CTNND2: variants seen among roughly 807,000 people sequenced by gnomAD.
CTNND2 encodes catenin delta 2.
In CTNND2, 22 loss-of-function variants were observed where a neutral mutation model predicts 144.4. The observed-to-expected ratio is 0.15, with a 90% CI of 0.11 to 0.22. The LOEUF (loss-of-function observed/expected upper bound fraction) is 0.22, where lower values mean the gene tolerates loss of function less well. Ranked by LOEUF, CTNND2 falls within the 10% of genes least tolerant of loss-of-function variation. The pLI is 1.00. For synonymous variants in CTNND2, 751 were observed against 695.6 expected (o/e 1.08, Z -1.25); for missense variants, 1,353 against 1,618.8 (o/e 0.84, Z 2.82).
At chr5:11,107,677 T>C (rs1752556149) in intron 14 of CTNND2, among the ~76,000 whole-genome samples, 1 of 152,228 alleles carries the variant, frequency 6.6e-6, no homozygotes, top group African/African-American at 2.4e-5. Flanking sequence ...GTAATTTAGA[T>C]GGTGCATTTG....
chr5:11,568,200 C>A (rs1241898454), intron 2 of CTNND2, among the ~76,000 whole-genome samples: 1 of 152,150 alleles, frequency 6.6e-6, no homozygotes, highest in African/African-American at 2.4e-5. Context: ...CTGGTCTCTG[C>A]TAGTTTCCTT....
intron 3 of CTNND2, among the ~76,000 whole-genome samples, chr5:11,492,138 G>C (rs193065916): frequency 1.4e-4 from 21 of 152,266 alleles, no homozygotes; most frequent in Admixed American, 4.6e-4. Context: ...ATCGCTTTAT[G>C]ATGCTAATAA....
intron 1 of CTNND2, among the ~76,000 whole-genome samples, chr5:11,890,501 T>C (rs1309599032): frequency 6.6e-6 from 1 of 152,204 alleles, no homozygotes; most frequent in Non-Finnish European, 1.5e-5. Flanking sequence ...ATCCGTCTTC[T>C]GTCTTGTCTT....
At position 11,562,265 on chromosome 5, in the gene CTNND2, C is replaced by T. The variant is rs188904462; in HGVS notation, c.287+2679G>A. 2.0e-5 allele frequency among the ~76,000 whole-genome samples: 3 copies of T among 152,158 alleles called. No homozygotes were observed. The East Asian group carries it at 5.8e-4, about 29-fold the overall frequency. On this transcript the variant is annotated intron_variant, in intron 3 of 21. Transcript: ENST00000304623. ...AGGTATGAATCAACATCGAAATTAC[C>T]AGACTTTTAAAATAGCCCTCTTTTT...
intron 9 of CTNND2, among the ~76,000 whole-genome samples, chr5:11,286,775 T>C (rs1028103577): frequency 2.0e-5 from 3 of 152,164 alleles, no homozygotes; most frequent in African/African-American, 7.2e-5. Flanking sequence ...AGACAACAAA[T>C]GGAGAGTAAT....
chr5:11,682,063 A>G (rs1053807905), intron 2 of CTNND2, among the ~76,000 whole-genome samples: 3 of 152,174 alleles, frequency 2.0e-5, no homozygotes, highest in Non-Finnish European at 2.9e-5. Context: ...ACTGACTGGG[A>G]GCAGCAACTG....
At chr5:11,303,877 A>G (rs188970180) in intron 9 of CTNND2, among the ~76,000 whole-genome samples, 216 of 152,180 alleles carry the variant, frequency 1.4e-3, no homozygotes, top group African/African-American at 4.9e-3. Flanking sequence ...TGTGGGAGGG[A>G]CCTGGTGGGA....
intron 3 of CTNND2, among the ~76,000 whole-genome samples, chr5:11,432,256 A>G (rs1191791012): frequency 6.7e-6 from 1 of 149,502 alleles, no homozygotes; most frequent in Non-Finnish European, 1.5e-5. Flanking sequence ...GTTAGCATAA[A>G]TTGGCCATAT....
At position 11,552,238 on chromosome 5, in the gene CTNND2, C is replaced by A. The variant is rs1267726730; in HGVS notation, c.287+12706G>T. ...CTTAAAAGGCCCACTCCAAGGTATCCCTCAGTGTGAAACACTATTCCAGTT... is the reference window on the plus strand; with the variant it reads ...CTTAAAAGGCCCACTCCAAGGTATCACTCAGTGTGAAACACTATTCCAGTT... On this transcript the variant is annotated intron_variant, in intron 3 of 21. Transcript: ENST00000304623. Among the ~76,000 whole-genome samples, 3 of 152,130 alleles carry A rather than the reference C, an allele frequency of 2.0e-5. No individual in the cohort carries two copies. In the East Asian group the frequency reaches 5.8e-4, roughly 29 times the overall value.
At chr5:11,206,110 G>A (rs571778533) in intron 10 of CTNND2, among the ~76,000 whole-genome samples, 11 of 151,998 alleles carry the variant, frequency 7.2e-5, no homozygotes, top group East Asian at 1.9e-4. Flanking sequence ...TTTCTTACCC[G>A]GCCAAAATAC....
At chr5:11,853,033 A>G (rs901459989) in intron 1 of CTNND2, among the ~76,000 whole-genome samples, 1 of 152,022 alleles carries the variant, frequency 6.6e-6, no homozygotes, top group Admixed American at 6.6e-5. Flanking sequence ...ACCTCGGGAG[A>G]TTAATCAAAG....
At position 11,903,781 on chromosome 5, in the gene CTNND2, T is replaced by G; in HGVS notation, c.37+36A>C. ...GAGGAGGACGGCGCCGGGAGGAGGC[T>G]GCGCCCGGCCCCGGCCGCCCAGCCC... is the stretch of plus-strand genomic sequence containing the variant. On this transcript the variant is annotated intron_variant, in intron 1 of 21. Coordinates refer to ENST00000304623, the MANE Select transcript of CTNND2 (RefSeq NM_001332.4). This position sits in a 1 kb window ranked among gnomAD's most constrained non-coding sequence, Gnocchi z 5.4. 6.8e-7 allele frequency: 1 copy of G among 1,471,402 alleles called. No individual in the cohort carries two copies. The highest frequency in any genetic ancestry group is 8.9e-7 in the Non-Finnish European group (1 of 1,118,198). 91.1% of individuals were successfully genotyped at this position (1,471,402 alleles called of 1,614,324 possible).
At chr5:11,686,692 T>A (rs1784665482) in intron 2 of CTNND2, among the ~76,000 whole-genome samples, 1 of 151,052 alleles carries the variant, frequency 6.6e-6, no homozygotes, top group Non-Finnish European at 1.5e-5. Flanking sequence ...TTTAACAATA[T>A]ACTTTATTAA....
At chr5:11,839,837 G>A (rs945752845) in intron 1 of CTNND2, among the ~76,000 whole-genome samples, 6 of 152,032 alleles carry the variant, frequency 3.9e-5, no homozygotes, top group African/African-American at 1.2e-4. Context: ...GTAGCTCTTC[G>A]TGACCTAGCC....
chr5:11,718,631 A>T (rs1338905848), intron 2 of CTNND2, among the ~76,000 whole-genome samples: 3 of 152,112 alleles, frequency 2.0e-5, no homozygotes, highest in Admixed American at 6.5e-5. Flanking sequence ...CAAAAAAAAA[A>T]ATAAGAAAAG....
intron 3 of CTNND2, among the ~76,000 whole-genome samples, chr5:11,518,963 C>T (rs974434184): frequency 6.6e-6 from 1 of 152,034 alleles, no homozygotes; most frequent in Non-Finnish European, 1.5e-5. Context: ...AACACAAGTA[C>T]GTCCACTGGC....
chr5:11,231,551 C>G (rs1223259101), intron 10 of CTNND2, among the ~76,000 whole-genome samples: 1 of 152,172 alleles, frequency 6.6e-6, no homozygotes, highest in African/African-American at 2.4e-5. Context: ...CATTTTGCTC[C>G]TGCTCTAGAG....
At chr5:11,382,992 A>G (rs1182545815) in intron 7 of CTNND2, among the ~76,000 whole-genome samples, 4 of 152,140 alleles carry the variant, frequency 2.6e-5, no homozygotes, top group Non-Finnish European at 5.9e-5. Flanking sequence ...AGATGCAATG[A>G]TAGAAGGAGC....
chr5:11,634,528 G>A (rs893696191), intron 2 of CTNND2, among the ~76,000 whole-genome samples: 20 of 152,230 alleles, frequency 1.3e-4, no homozygotes, highest in African/African-American at 4.8e-4. Context: ...CAAACCAGGA[G>A]TCTCTCATTT....
Sources: gnomAD v4.1 joint callset for allele counts (sites outside exome capture counted in the v4.1 genomes callset) on GRCh38, gnomAD v4.1.1 for gene constraint, Gnocchi (gnomAD v3.1) non-coding constraint, MANE v1.5 for transcripts, NCBI Gene and HGNC (gene_info 2026-07-23, HGNC 2026-07-21) for gene names.